GLI3: variants seen among roughly 807,000 people sequenced by gnomAD.
The protein encoded by GLI3 is GLI family zinc finger 3, also known as transcription activator GLI3.
GLI3 carries 20 observed loss-of-function variants against 100.8 expected under a neutral mutation model. The observed-to-expected ratio is 0.20, with a 90% CI of 0.14 to 0.29. GLI3 has a LOEUF of 0.29. Ranked by LOEUF, GLI3 falls within the 10% of genes least tolerant of loss-of-function variation. The pLI is 1.00. For synonymous variants in GLI3, 938 were observed against 860.5 expected (o/e 1.09, Z -1.58); for missense variants, 2,040 against 2,128.5 (o/e 0.96, Z 0.82).
intron 10 of GLI3, among the ~76,000 whole-genome samples, chr7:41,991,829 G>C (rs1332465404): frequency 1.3e-5 from 2 of 152,186 alleles, no homozygotes; most frequent in African/African-American, 4.8e-5. Context: ...GAAGGGAAGA[G>C]AGATACAGAG....
At chr7:42,074,476 G>A (rs1784840199) in intron 4 of GLI3, among the ~76,000 whole-genome samples, 1 of 152,178 alleles carries the variant, frequency 6.6e-6, no homozygotes, top group African/African-American at 2.4e-5. Context: ...CCAAGCAAGA[G>A]GAAAAGCATC....
chr7:42,122,021 A>G (rs1304962907), intron 3 of GLI3, among the ~76,000 whole-genome samples: 1 of 152,098 alleles, frequency 6.6e-6, no homozygotes, highest in East Asian at 1.9e-4. Flanking sequence ...ATTACCTCCC[A>G]GGCTTCCACA....
chr7:42,071,632 C>A (rs1784786375), intron 4 of GLI3, among the ~76,000 whole-genome samples: 1 of 152,050 alleles, frequency 6.6e-6, no homozygotes, highest in East Asian at 1.9e-4. Flanking sequence ...CAGTAGTAGC[C>A]CTGGTCATCT....
At chr7:42,072,621 A>T (rs984310101) in intron 4 of GLI3, among the ~76,000 whole-genome samples, 3 of 152,226 alleles carry the variant, frequency 2.0e-5, no homozygotes, top group African/African-American at 7.2e-5. Flanking sequence ...AATTTTAAAA[A>T]TTAGTACTTA....
chr7:41,999,522 G>A (rs927855761), intron 10 of GLI3, among the ~76,000 whole-genome samples: 3 of 152,010 alleles, frequency 2.0e-5, no homozygotes, highest in Admixed American at 1.3e-4. Context: ...GGTTATTCTT[G>A]CCCTCATCCA....
chr7:42,147,738 C>T (rs1032764439), intron 3 of GLI3, among the ~76,000 whole-genome samples: 11 of 152,098 alleles, frequency 7.2e-5, no homozygotes, highest in Non-Finnish European at 1.5e-4. Context: ...GAATTTAGCA[C>T]AGATTTGTTA....
At position 41,965,606 on chromosome 7, in the gene GLI3, G is replaced by T; in HGVS notation, c.3467C>A (p.Thr1156Asn). Residue 1156 changes from threonine (T) to asparagine (N), a missense_variant, in exon 15 of 15, where the codon ACC becomes AAC. Coordinates refer to ENST00000395925, the MANE Select transcript of GLI3 (RefSeq NM_000168.6). The stretch of plus-strand genomic sequence containing the variant: ...TTCGTTCCACTGAATGGGCAGGTCG[G>T]TTTTGCTGCCCTCGGGGCAGGGCTG... ...LEQPCPEGSK[T>N]DLPIQWNEVS... 1 of 1,608,044 alleles carries T rather than the reference G, an allele frequency of 6.2e-7. No individual in the cohort carries two copies. Among genetic ancestry groups the T allele is most frequent in the African/African-American group, 1.3e-5 (1 of 74,890 alleles).
chr7:42,189,358 C>T (rs893365095), intron 2 of GLI3, among the ~76,000 whole-genome samples: 1 of 152,116 alleles, frequency 6.6e-6, no homozygotes, highest in Admixed American at 6.6e-5. Flanking sequence ...TAGAAAGTCA[C>T]CCTATTTAAA....
At chr7:42,023,940 C>CA (rs1470024157) in intron 9 of GLI3, among the ~76,000 whole-genome samples, 2 of 152,044 alleles carry the variant, frequency 1.3e-5, no homozygotes, top group African/African-American at 2.4e-5. Context: ...AACAAACAAA[C>CA]AAAAAACAAA....
Position 41,963,445 on chromosome 7 carries a change from A to T in GLI3, c.*885T>A, listed in dbSNP as rs191936402. The T allele has an allele frequency of 6.6e-6, 1 of 152,244 alleles. No individual in the cohort carries two copies. Among genetic ancestry groups the T allele is most frequent in the African/African-American group, 2.4e-5 (1 of 41,448 alleles). 9.4% of individuals were successfully genotyped at this position (152,244 alleles called of 1,614,324 possible). A position where few individuals can be genotyped will look rare whatever the true frequency, so the allele number is the denominator to read the frequency against. ...ACCCAATTGCTTCAATCTACCATCT[A>T]TCTAACTTCTTACCAGAACAGATAA... On this transcript the variant is annotated 3_prime_UTR_variant, in exon 15 of 15. Coordinates refer to ENST00000395925, the MANE Select transcript of GLI3 (RefSeq NM_000168.6).
intron 3 of GLI3, among the ~76,000 whole-genome samples, chr7:42,078,726 GTTTT>G (rs10709803): frequency 8.6e-4 from 81 of 94,682 alleles, no homozygotes; most frequent in African/African-American, 2.7e-3. Flanking sequence ...ATTTATCACA[GTTTT>G]TTTTTTTTTT....
intron 3 of GLI3, among the ~76,000 whole-genome samples, chr7:42,134,332 T>C (rs1227351890): frequency 2.0e-5 from 3 of 152,252 alleles, no homozygotes; most frequent in South Asian, 2.1e-4. Context: ...ATGAGAAACA[T>C]CTAGCGTTAA....
Position 41,984,791 on chromosome 7 carries a change from T to C in GLI3, c.1498-6043A>G, listed in dbSNP as rs895865888. On this transcript the variant is annotated intron_variant, in intron 10 of 14. Transcript: ENST00000395925. ...CCAGTCTTTCTGTCAGTATCTAATGTTTCTCAAATCCCACAGAACTGCTTT... is the reference window on the plus strand; with the variant it reads ...CCAGTCTTTCTGTCAGTATCTAATGCTTCTCAAATCCCACAGAACTGCTTT... Among the ~76,000 whole-genome samples the C allele has an allele frequency of 2.6e-5, 4 of 152,384 alleles. No homozygotes were observed. In the East Asian group the frequency reaches 7.7e-4, roughly 29 times the overall value.
intron 3 of GLI3, among the ~76,000 whole-genome samples, chr7:42,129,103 C>T (rs912634636): frequency 1.3e-5 from 2 of 152,142 alleles, no homozygotes; most frequent in African/African-American, 4.8e-5. Context: ...GATAAAATAA[C>T]AGTACCAAAG....
intron 2 of GLI3, among the ~76,000 whole-genome samples, chr7:42,179,578 G>A (rs541292435): frequency 1.3e-5 from 2 of 152,308 alleles, no homozygotes; most frequent in East Asian, 3.9e-4. Context: ...TGCAATCCAG[G>A]AAAGAGCTGA....
intron 12 of GLI3, among the ~76,000 whole-genome samples, chr7:41,976,374 T>C (rs765308213): frequency 6.6e-6 from 1 of 152,246 alleles, no homozygotes; most frequent in Non-Finnish European, 1.5e-5. Context: ...TGTGAGTTTA[T>C]GAGTGAGTGT....
intron 2 of GLI3, among the ~76,000 whole-genome samples, chr7:42,185,533 T>C (rs1787701544): frequency 6.6e-6 from 1 of 152,218 alleles, no homozygotes; most frequent in Non-Finnish European, 1.5e-5. Context: ...AATTCTCAGA[T>C]ACTACAGATG....
intron 2 of GLI3, among the ~76,000 whole-genome samples, chr7:42,155,913 G>A (rs1786991606): frequency 1.3e-5 from 2 of 152,028 alleles, no homozygotes; most frequent in Admixed American, 1.3e-4. Context: ...GTAGCCCATA[G>A]GGTTTCCATA....
intron 1 of GLI3, among the ~76,000 whole-genome samples, chr7:42,263,105 C>T (rs1018724442): frequency 2.0e-5 from 3 of 152,228 alleles, no homozygotes; most frequent in African/African-American, 4.8e-5. Context: ...TGACCCACGG[C>T]AAAGGCATCT....
Sources: gnomAD v4.1 joint callset for allele counts (sites outside exome capture counted in the v4.1 genomes callset) on GRCh38, gnomAD v4.1.1 for gene constraint, MANE v1.5 for transcripts, NCBI Gene and HGNC (gene_info 2026-07-23, HGNC 2026-07-21) for gene names.